Variants in COG1 observed in about 807,000 individuals in gnomAD.
The protein encoded by COG1 is component of oligomeric golgi complex 1, also known as conserved oligomeric Golgi complex subunit 1.
In COG1, 61 loss-of-function variants were observed where a neutral mutation model predicts 102.2. The ratio of observed to expected loss-of-function variants is 0.60; its 90% CI spans 0.49 to 0.74. COG1 has a LOEUF of 0.74. COG1 is among the 30% of genes least tolerant of loss of function. The pLI, the probability that COG1 is intolerant of heterozygous loss-of-function variation, is 0.00. For missense variants in COG1, 1,164 were observed against 1,232.1 expected, an observed-to-expected ratio of 0.94 and a Z score of 0.83; for synonymous variants, 454 against 493.6, an observed-to-expected ratio of 0.92 and a Z score of 1.06.
intron 7 of COG1, among the ~76,000 whole-genome samples, chr17:73,202,195 C>T (rs996488064): frequency 2.0e-5 from 3 of 151,978 alleles, no homozygotes; most frequent in African/African-American, 4.8e-5. Flanking sequence ...AAAAATTAGC[C>T]GGGCATGGTG....
intron 1 of COG1, among the ~76,000 whole-genome samples, chr17:73,196,084 C>T (rs939721431): frequency 3.9e-5 from 6 of 152,190 alleles, no homozygotes; most frequent in African/African-American, 1.4e-4. Flanking sequence ...CCTTTGATGT[C>T]TGGTGAGGGC....
chr17:73,196,965 CCGA>C lies in COG1; in HGVS notation c.627_629del (p.Glu210del). On this transcript the variant is annotated inframe_deletion, in exon 3 of 14. Coordinates refer to ENST00000299886, the MANE Select transcript of COG1 (RefSeq NM_018714.3). ...CAAGGTGTGTCTGACCAAGCTGTGGCCGAGGCCCTGTGCTCTATAATGCTCTTA... is the reference window on the plus strand; with the variant it reads ...CAAGGTGTGTCTGACCAAGCTGTGGCGGCCCTGTGCTCTATAATGCTCTTA... 1 of 1,614,194 alleles carries C rather than the reference CCGA, an allele frequency of 6.2e-7. No individual in the cohort carries two copies. The highest frequency in any genetic ancestry group is 8.5e-7 in the Non-Finnish European group (1 of 1,180,022).
chr17:73,193,087 C>A lies in COG1; in HGVS notation c.18C>A (p.Thr6=), dbSNP rs1279212700. The change falls in exon 1 of 14, where the codon ACC becomes ACA. Residue 6 remains threonine, a synonymous_variant. Transcript: ENST00000299886. MATAA[T]SPALKRLDLR... ...AGTGCACCATGGCCACCGCGGCAACCTCACCCGCGCTGAAGCGGCTGGATC... is the reference window on the plus strand; with the variant it reads ...AGTGCACCATGGCCACCGCGGCAACATCACCCGCGCTGAAGCGGCTGGATC... 13 of 1,611,470 alleles carry A rather than the reference C, an allele frequency of 8.1e-6. No individual in the cohort carries two copies. Among genetic ancestry groups the A allele is most frequent in the Non-Finnish European group, 1.1e-5 (13 of 1,179,354 alleles).
chr17:73,207,092 CAAAA>C (rs57965299), intron 12 of COG1, 85 bp from the exon 13 acceptor site: 50,643 of 821,588 alleles, frequency 0.062, 114 homozygotes, highest in Non-Finnish European at 0.071. Flanking sequence ...GACTCTGTCT[CAAAA>C]AAAAAAAAAA....
intron 7 of COG1, among the ~76,000 whole-genome samples, chr17:73,202,347 CTT>C (rs10608175): frequency 2.8e-5 from 1 of 36,216 alleles, no homozygotes; most frequent in South Asian, 7.3e-4. Context: ...TCAAAAAAAA[CTT>C]TTTCATTCAT....
rs1470930264 is a variant in COG1 at position 73,201,706 on chromosome 17, C to G, written c.1879C>G (p.His627Asp). The G allele has an allele frequency of 1.2e-6, 2 of 1,614,080 alleles. No homozygotes were observed. Among genetic ancestry groups the G allele is most frequent in the African/African-American group, 2.7e-5 (2 of 74,922 alleles). The change falls in exon 7 of 14, where the codon CAT (histidine) becomes GAT (aspartate). Residue 627 changes from histidine (H) to aspartate (D), a missense_variant. Physicochemically the swap from His to Asp is moderately conservative, Grantham distance 81. Transcript: ENST00000299886. The part of the protein sequence containing the change: ...LCQSLGELCP[H>D]LKQCILGKSE... The stretch of plus-strand genomic sequence containing the variant: ...CCAGTCCCTGGGAGAGCTGTGCCCC[C>G]ATCTGAAGCAGTGCATCCTGGGAAA...
chr17:73,203,416 A>C, intron 8 of COG1: 1 of 707,550 alleles, frequency 1.4e-6, no homozygotes, highest in Non-Finnish European at 2.4e-6. Flanking sequence ...AAACACAGGC[A>C]CCTCTTCGAG....
Position 73,201,923 on chromosome 17 carries a change from C to T in COG1, c.2073+23C>T, listed in dbSNP as rs2061348754. On this transcript the variant is annotated intron_variant, in intron 7 of 13. Coordinates refer to ENST00000299886, the MANE Select transcript of COG1 (RefSeq NM_018714.3). ...AAAGTGAGTGATGTAATTTCTTATC[C>T]CTGTCTTGTCTCACTTCTGTCATAT... 3.1e-6 allele frequency: 5 copies of T among 1,607,486 alleles called. 1 individual carries two copies. The Middle Eastern group carries it at 5.0e-4, about 159-fold the overall frequency.
At chr17:73,200,433 A>T in intron 5 of COG1, 133 bp from the exon 6 acceptor site, 1 of 915,550 alleles carries the variant, frequency 1.1e-6, no homozygotes, top group Non-Finnish European at 1.8e-6. Context: ...AGGTCTATCA[A>T]CACTGAGACA....
At position 73,201,848 on chromosome 17, in the gene COG1, T is replaced by C. The variant is rs2061348391; in HGVS notation, c.2021T>C (p.Leu674Pro). ...QAKWQEVKEV[L>P]LQQSVMGYQV... is the part of the protein sequence containing the mutation. ...AAGTGGCAAGAGGTTAAAGAAGTAC[T>C]CCTCCAGCAGAGCGTGATGGGCTAC... Residue 674 changes from leucine to proline, a missense_variant, in exon 7 of 14, where the codon CTC becomes CCC. Coordinates refer to ENST00000299886, the MANE Select transcript of COG1 (RefSeq NM_018714.3). 1 of 1,611,952 alleles carries C rather than the reference T, an allele frequency of 6.2e-7. No individual in the cohort carries two copies. The highest frequency in any genetic ancestry group is 8.5e-7 in the Non-Finnish European group (1 of 1,178,086).
In COG1 at chr17:73,207,266, AAGAGCAAG is replaced by A. The variant is rs2061381264; in HGVS notation, c.2805+13_2805+20del. ...CGAAACAAAAGCTCAGGTTGGTGCCAAGAGCAAGAGGCTCATCCGTGGATGGGTCCCCA... is the reference window on the plus strand; with the variant it reads ...CGAAACAAAAGCTCAGGTTGGTGCCAAGGCTCATCCGTGGATGGGTCCCCA... On this transcript the variant is annotated intron_variant, in intron 13 of 13. Coordinates refer to ENST00000299886, the MANE Select transcript of COG1 (RefSeq NM_018714.3). The A allele has an allele frequency of 1.2e-6, 2 of 1,613,864 alleles. No homozygotes were observed. Among genetic ancestry groups the A allele is most frequent in the African/African-American group, 1.3e-5 (1 of 74,876 alleles).
chr17:73,208,164 A>T (rs1355515029), intron 13 of COG1, 150 bp from the exon 14 acceptor site: 1 of 1,531,554 alleles, frequency 6.5e-7, no homozygotes, highest in African/African-American at 1.4e-5. Flanking sequence ...TCAAATCTGG[A>T]CCGACAGCAA....
rs2061325541 is a variant in COG1 at position 73,196,521 on chromosome 17, C to T, written c.330C>T (p.Ser110=). 1.2e-6 allele frequency: 2 copies of T among 1,614,020 alleles called. No individual in the cohort carries two copies. The highest frequency in any genetic ancestry group is 2.7e-5 in the African/African-American group (2 of 74,894). Residue 110 remains serine, a synonymous_variant, in exon 2 of 14, where the codon TCC becomes TCT. Coordinates refer to ENST00000299886, the MANE Select transcript of COG1 (RefSeq NM_018714.3). ...PPRAQQPQQP[S]QEKFYSMAAQ... ...TTCCCCTGCAGCCACAGCAGCCATC[C>T]CAGGAGAAGTTCTACAGCATGGCTG... is the stretch of plus-strand genomic sequence containing the variant.
intron 9 of COG1, 66 bp from the exon 10 acceptor site, chr17:73,205,487 C>CT: frequency 1.3e-6 from 2 of 1,568,266 alleles, no homozygotes; most frequent in Non-Finnish European, 1.8e-6. Context: ...AAACTTGAAG[C>CT]TGTTTATTAC....
At chr17:73,194,613 GCCA>G (rs953576097) in intron 1 of COG1, among the ~76,000 whole-genome samples, 3 of 151,880 alleles carry the variant, frequency 2.0e-5, no homozygotes, top group Non-Finnish European at 4.4e-5. Context: ...ACAGGCACCT[GCCA>G]CCATGTCCGA....
In COG1 at chr17:73,194,199, T is replaced by C. The variant is rs970352511; in HGVS notation, c.315+815T>C. The stretch of plus-strand genomic sequence containing the variant: ...GGCTCACGCCTGTAATCCCAGCACT[T>C]TGGGAGGCCGAGGCGGGTGGATCAC... On this transcript the variant is annotated intron_variant, in intron 1 of 13. Coordinates refer to ENST00000299886, the MANE Select transcript of COG1 (RefSeq NM_018714.3). Among the ~76,000 whole-genome samples, 9 of 144,444 alleles carry C rather than the reference T, an allele frequency of 6.2e-5. No individual in the cohort carries two copies. The East Asian group carries it at 1.4e-3, about 23-fold the overall frequency. The allele number at this position is 144,444 out of a possible 152,430, so 94.8% of individuals were successfully genotyped here.
At chr17:73,198,445 G>A (rs552456161) in intron 4 of COG1, among the ~76,000 whole-genome samples, 1 of 152,320 alleles carries the variant, frequency 6.6e-6, no homozygotes, top group Admixed American at 6.5e-5. Context: ...CATTTGCTGT[G>A]TGTGGTGGCA....
At chr17:73,196,876 C>T (rs778080401) in intron 2 of COG1, 24 bp from the exon 3 acceptor site, 30 of 1,613,928 alleles carry the variant, frequency 1.9e-5, no homozygotes, top group Non-Finnish European at 2.5e-5. Flanking sequence ...AACACCCTGG[C>T]GACTTCTGTC....
intron 1 of COG1, among the ~76,000 whole-genome samples, chr17:73,193,971 G>A (rs988909923): frequency 6.6e-6 from 1 of 150,612 alleles, no homozygotes; most frequent in African/African-American, 2.4e-5. Flanking sequence ...CACCACAGCC[G>A]GCCAAGCCCT....
Sources: allele counts gnomAD v4.1 joint callset (sites outside exome capture counted in the v4.1 genomes callset), GRCh38; gene constraint gnomAD v4.1.1; transcripts MANE v1.5; gene names NCBI Gene and HGNC (gene_info 2026-07-23, HGNC 2026-07-21).